The following CDKL3 variants were observed in gnomAD, a reference collection of about 807,000 sequenced individuals.
CDKL3 encodes cyclin dependent kinase like 3, also known as cyclin-dependent kinase-like 3.
CDKL3 carries 65 observed loss-of-function variants against 69.3 expected under a neutral mutation model. The ratio of observed to expected loss-of-function variants is 0.94; its 90% confidence interval spans 0.77 to 1.15. The LOEUF is 1.15. CDKL3 is among the 50% of genes most tolerant of loss of function. The pLI, the probability that CDKL3 is intolerant of heterozygous loss-of-function variation, is 0.00. For synonymous variants in CDKL3, 202 were observed against 221.6 expected (o/e 0.91, Z 0.79); for missense variants, 652 against 689.2 (o/e 0.95, Z 0.61).
chr5:134,325,819 A>AGT (rs1293441730), intron 4 of CDKL3, among the ~76,000 whole-genome samples: 1 of 151,530 alleles, frequency 6.6e-6, no homozygotes, highest in East Asian at 1.9e-4. Flanking sequence ...GCTGGAGTGC[A>AGT]GTGGCGCGAT....
intron 4 of CDKL3, among the ~76,000 whole-genome samples, chr5:134,345,016 G>A (rs1161066364): frequency 1.3e-5 from 2 of 152,030 alleles, no homozygotes; most frequent in African/African-American, 4.8e-5. Context: ...AGTGAGCCGA[G>A]ATCACGCCAC....
Position 134,350,364 on chromosome 5 carries a change from A to C in CDKL3, c.424T>G (p.Cys142Gly), listed in dbSNP as rs768892550. The change falls in exon 4 of 13, where the codon TGT (cysteine) becomes GGT (glycine). Residue 142 changes from cysteine (C) to glycine (G), a missense_variant. Cys to Gly is a radical substitution (Grantham distance 159, BLOSUM62 -3). Transcript: ENST00000265334. Reference sequence around the variant, plus strand: ...AGTGTTCGTGCAAAACCAAAATCACAGAGCTTAGTAATTCCTGACTGGGAT... The same window carrying C: ...AGTGTTCGTGCAAAACCAAAATCACCGAGCTTAGTAATTCCTGACTGGGAT... ...LVSQSGITKLCDFGFARTLAA... is the reference protein window; with the variant it reads ...LVSQSGITKLGDFGFARTLAA... The C allele has an allele frequency of 6.3e-7, 1 of 1,583,836 alleles. No homozygotes were observed. Among genetic ancestry groups the C allele is most frequent in the Admixed American group, 1.8e-5 (1 of 55,084 alleles).
In CDKL3 at chr5:134,320,604, G is replaced by A. The variant is rs568238146; in HGVS notation, c.653-1107C>T. 1.8e-4 allele frequency among the ~76,000 whole-genome samples: 27 copies of A among 152,072 alleles called. No individual in the cohort carries two copies. The East Asian group carries it at 3.5e-3, about 20-fold the overall frequency. ...AAAAAATTAAAATTTAGCCGGGCGC[G>A]GTGGTTCATGCCTGTATTCCCAGCA... On this transcript the variant is annotated intron_variant, in intron 5 of 12. Coordinates refer to ENST00000265334, the MANE Select transcript of CDKL3 (RefSeq NM_001113575.2).
chr5:134,289,014 G>A (rs1266580494), intron 8 of CDKL3, among the ~76,000 whole-genome samples: 2 of 150,620 alleles, frequency 1.3e-5, no homozygotes, highest in Non-Finnish European at 3.0e-5. Flanking sequence ...ATTTAAAAAT[G>A]AGCCCAGCAT....
chr5:134,289,559 C>G (rs1292324669), intron 8 of CDKL3, among the ~76,000 whole-genome samples: 1 of 152,130 alleles, frequency 6.6e-6, no homozygotes, highest in Non-Finnish European at 1.5e-5. Context: ...CTAGCTTGCA[C>G]TTTTGTTGCA....
At chr5:134,321,010 T>A (rs888665300) in intron 5 of CDKL3, among the ~76,000 whole-genome samples, 2 of 142,978 alleles carry the variant, frequency 1.4e-5, no homozygotes, top group African/African-American at 5.2e-5. Flanking sequence ...ATATTCTTTT[T>A]TTTTTTTTTT....
intron 11 of CDKL3, 150 bp from the exon 12 acceptor site, chr5:134,302,837 A>G (rs1766679721): frequency 1.9e-6 from 1 of 532,026 alleles, no homozygotes; most frequent in Admixed American, 3.8e-5. Flanking sequence ...GTAATGGTAA[A>G]ATATGGTAAA....
Position 134,298,581 on chromosome 5 carries a change from T to A in CDKL3, c.*70A>T. 4.4e-6 allele frequency: 7 copies of A among 1,580,118 alleles called. No individual in the cohort carries two copies. In the South Asian group the frequency reaches 7.1e-5, roughly 16 times the overall value. ...TCTTAACAACAACTCACATCACACTTCTATTGTAGATAAATAAAACGGGAA... is the reference window on the plus strand; with the variant it reads ...TCTTAACAACAACTCACATCACACTACTATTGTAGATAAATAAAACGGGAA... On this transcript the variant is annotated 3_prime_UTR_variant, in exon 13 of 13. Transcript: ENST00000265334.
Position 134,308,311 on chromosome 5 carries a change from A to AACCTATG in CDKL3, c.1190_1191insCATAGGT (p.Thr398IlefsTer9). The AACCTATG allele has an allele frequency of 6.2e-7, 1 of 1,613,962 alleles. No individual in the cohort carries two copies. The highest frequency in any genetic ancestry group is 1.1e-5 in the South Asian group (1 of 91,086). Reference sequence around the variant, plus strand: ...GTGGTTCAATGGTTACAAGTTTTGTATCTGGAGACATAGGATGAACATTTT... The same window carrying AACCTATG: ...GTGGTTCAATGGTTACAAGTTTTGTAACCTATGTCTGGAGACATAGGATGAACATTTT... On this transcript the variant is annotated frameshift_variant, in exon 9 of 13. Transcript: ENST00000265334. LOFTEE classifies it high-confidence loss of function.
intron 3 of CDKL3, among the ~76,000 whole-genome samples, chr5:134,355,606 A>T (rs1020944262): frequency 6.6e-6 from 1 of 152,232 alleles, no homozygotes; most frequent in Non-Finnish European, 1.5e-5. Flanking sequence ...TTCTTTTATA[A>T]ACAGCAATTA....
chr5:134,299,793 G>T, intron 12 of CDKL3: 1 of 1,297,466 alleles, frequency 7.7e-7, no homozygotes, highest in Non-Finnish European at 1.1e-6. Context: ...AGGACATGGT[G>T]AGTCTTTGGC....
chr5:134,317,277 A>C (rs1165827097), intron 6 of CDKL3, among the ~76,000 whole-genome samples: 1 of 152,076 alleles, frequency 6.6e-6, no homozygotes, highest in African/African-American at 2.4e-5. Context: ...CTGGGACTAC[A>C]GGTGCACGCC....
chr5:134,326,091 G>C (rs966861390), intron 4 of CDKL3, among the ~76,000 whole-genome samples: 1 of 151,976 alleles, frequency 6.6e-6, no homozygotes, highest in Non-Finnish European at 1.5e-5. Context: ...TTATTTTTAA[G>C]TACTCTCTCC....
chr5:134,311,303 A>C (rs1408399945), intron 7 of CDKL3, among the ~76,000 whole-genome samples: 1 of 152,218 alleles, frequency 6.6e-6, no homozygotes, highest in Non-Finnish European at 1.5e-5. Flanking sequence ...CAGGAGTTTG[A>C]GACCAGCCTG....
chr5:134,290,566 A>T (rs758204103), intron 8 of CDKL3, among the ~76,000 whole-genome samples: 3 of 152,166 alleles, frequency 2.0e-5, no homozygotes, highest in Non-Finnish European at 2.9e-5. Context: ...AAAATAATCA[A>T]TGGTGTCAAA....
At chr5:134,342,544 G>A (rs1278769162) in intron 4 of CDKL3, among the ~76,000 whole-genome samples, 1 of 151,664 alleles carries the variant, frequency 6.6e-6, no homozygotes, top group Non-Finnish European at 1.5e-5. Flanking sequence ...AGCTTGCAGT[G>A]AGCCGAGATT....
At chr5:134,309,092 CTT>C (rs886871616) in intron 7 of CDKL3, among the ~76,000 whole-genome samples, 1 of 148,920 alleles carries the variant, frequency 6.7e-6, no homozygotes, top group Non-Finnish European at 1.5e-5. Context: ...TGTGGTTCTT[CTT>C]TTTTTTTTGA....
At chr5:134,295,965 C>A (rs1048061932), downstream of CDKL3, among the ~76,000 whole-genome samples, 1 of 152,062 alleles carries the variant, frequency 6.6e-6, no homozygotes, top group Non-Finnish European at 1.5e-5. Flanking sequence ...GGCACAATCT[C>A]AGATCACTGC....
At chr5:134,307,615 C>T (rs1768225793) in intron 9 of CDKL3, among the ~76,000 whole-genome samples, 1 of 152,236 alleles carries the variant, frequency 6.6e-6, no homozygotes, top group African/African-American at 2.4e-5. Flanking sequence ...CCATCCATCA[C>T]ACTGCCCTTG....
Sources: gnomAD v4.1 joint callset for allele counts (sites outside exome capture counted in the v4.1 genomes callset) on GRCh38, gnomAD v4.1.1 for gene constraint, MANE v1.5 for transcripts, NCBI Gene and HGNC (gene_info 2026-07-23, HGNC 2026-07-21) for gene names.